The following NTSR1 variants were observed in gnomAD, a reference collection of about 807,000 sequenced individuals.
NTSR1 encodes the protein neurotensin receptor 1, also known as neurotensin receptor type 1.
Under a neutral mutation model 31.2 loss-of-function variants are expected in NTSR1, and 29 were observed. The observed-to-expected ratio is 0.93, with a 90% CI of 0.69 to 1.27. The LOEUF (loss-of-function observed/expected upper bound fraction) is 1.27. Ranked by LOEUF, NTSR1 falls within the 50% of genes most tolerant of loss-of-function variation. The pLI is 0.00. For synonymous variants in NTSR1, 282 were observed against 269.9 expected (o/e 1.04, Z -0.44); for missense variants, 697 against 595.4 (o/e 1.17, Z -1.78).
At chr20:62,754,637 A>G (rs959072456) in intron 1 of NTSR1, 48 bp from the exon 2 acceptor site, 1 of 1,494,620 alleles carries the variant, frequency 6.7e-7, no homozygotes, top group Non-Finnish European at 9.3e-7. Context: ...CTGAGGGTGC[A>G]TGAGTCCCGC....
At chr20:62,728,631 G>A (rs993312563) in intron 1 of NTSR1, among the ~76,000 whole-genome samples, 4 of 152,216 alleles carry the variant, frequency 2.6e-5, no homozygotes, top group East Asian at 3.9e-4. Context: ...GGAAGACGCT[G>A]TGTGCACAGC....
intron 1 of NTSR1, among the ~76,000 whole-genome samples, chr20:62,738,954 G>T (rs1204440532): frequency 6.6e-6 from 1 of 152,224 alleles, no homozygotes; most frequent in East Asian, 1.9e-4. Context: ...CTAGGATCTA[G>T]AAATGGGAAA....
At chr20:62,756,799 G>A (rs1989521366) in intron 2 of NTSR1, 1 of 152,220 alleles carries the variant, frequency 6.6e-6, no homozygotes, top group Non-Finnish European at 1.5e-5. Context: ...GATTTGAGGT[G>A]GCATCTCGTT....
intron 1 of NTSR1, among the ~76,000 whole-genome samples, chr20:62,719,627 T>C (rs1988798529): frequency 1.3e-5 from 2 of 148,404 alleles, no homozygotes; most frequent in Non-Finnish European, 3.0e-5. Context: ...ATTCTACTTT[T>C]TGTCTCTGTG....
In NTSR1 at chr20:62,754,056, A is replaced by T. The variant is rs568889991; in HGVS notation, c.715-629A>T. Among the ~76,000 whole-genome samples the T allele has an allele frequency of 2.0e-5, 3 of 152,300 alleles. No individual in the cohort carries two copies. The East Asian group carries it at 5.8e-4, about 29-fold the overall frequency. On this transcript the variant is annotated intron_variant, in intron 1 of 3. Transcript: ENST00000370501. Reference sequence around the variant, plus strand: ...CCAGGACTCGGATCAGGTGCAGGGTAGCTATGATGACCCAGCCTTGTGGGT... The same window carrying T: ...CCAGGACTCGGATCAGGTGCAGGGTTGCTATGATGACCCAGCCTTGTGGGT...
At chr20:62,747,046 AG>A (rs1476343138) in intron 1 of NTSR1, among the ~76,000 whole-genome samples, 2 of 152,234 alleles carry the variant, frequency 1.3e-5, no homozygotes, top group African/African-American at 4.8e-5. Context: ...ATCCACCATG[AG>A]CAGGTGGGAT....
At chr20:62,759,630 C>T (rs537766444) in intron 3 of NTSR1, among the ~76,000 whole-genome samples, 43 of 152,166 alleles carry the variant, frequency 2.8e-4, no homozygotes, top group African/African-American at 7.9e-4. Flanking sequence ...AAAAATTAGC[C>T]GGGCGTGGTG....
In NTSR1 at chr20:62,760,849, G is replaced by A. The variant is rs1989609658; in HGVS notation, c.*582G>A. 6.5e-6 allele frequency: 1 copy of A among 152,832 alleles called. No homozygotes were observed. Among genetic ancestry groups the A allele is most frequent in the Non-Finnish European group, 1.5e-5 (1 of 68,536 alleles). 9.5% of individuals were successfully genotyped at this position (152,832 alleles called of 1,614,324 possible). A position where few individuals can be genotyped will look rare whatever the true frequency, so the allele number is the denominator to read the frequency against. The stretch of plus-strand genomic sequence containing the variant: ...CGCCCCTTCAGGCCTGGCAAGCTGG[G>A]GGCCCATCGCCGTGGGGAGTCCCTC... On this transcript the variant is annotated 3_prime_UTR_variant, in exon 4 of 4. Coordinates refer to ENST00000370501, the MANE Select transcript of NTSR1 (RefSeq NM_002531.3).
intron 1 of NTSR1, among the ~76,000 whole-genome samples, chr20:62,751,228 AGGTT>A (rs1989389272): frequency 6.6e-6 from 1 of 152,188 alleles, no homozygotes; most frequent in Non-Finnish European, 1.5e-5. Context: ...CTGGGGGAAA[AGGTT>A]AAAAATATAT....
intron 1 of NTSR1, among the ~76,000 whole-genome samples, chr20:62,712,121 G>T (rs2147130824): frequency 6.6e-6 from 1 of 152,342 alleles, no homozygotes; most frequent in Middle Eastern, 3.4e-3. Context: ...TGCTTGAAAA[G>T]AACATTCCTC....
At chr20:62,751,712 GT>G (rs1989396919) in intron 1 of NTSR1, among the ~76,000 whole-genome samples, 2 of 152,276 alleles carry the variant, frequency 1.3e-5, no homozygotes, top group South Asian at 4.1e-4. Flanking sequence ...CTTTTGGGAT[GT>G]GTTGATTGGC....
chr20:62,717,096 C>G (rs895251930), intron 1 of NTSR1, among the ~76,000 whole-genome samples: 1 of 152,250 alleles, frequency 6.6e-6, no homozygotes, highest in Non-Finnish European at 1.5e-5. Context: ...GGCAAGGCGC[C>G]TGCCCCACCC....
At position 62,732,166 on chromosome 20, in the gene NTSR1, G is replaced by A. The variant is rs940860822; in HGVS notation, c.714+22245G>A. Among the ~76,000 whole-genome samples the A allele has an allele frequency of 3.9e-5, 6 of 151,906 alleles. No homozygotes were observed. Among genetic ancestry groups the A allele is most frequent in the Admixed American group, 3.3e-4 (5 of 15,246 alleles). On this transcript the variant is annotated intron_variant, in intron 1 of 3. Transcript: ENST00000370501. The surrounding 1 kb of genome is among the most constrained non-coding windows in gnomAD (Gnocchi z 4.0). Reference sequence around the variant, plus strand: ...CTGTACCGATAACTGGGGCTTTATAGCAAGTGTTGAAATCGGTAGTGTCCA... The same window carrying A: ...CTGTACCGATAACTGGGGCTTTATAACAAGTGTTGAAATCGGTAGTGTCCA...
In NTSR1 at chr20:62,737,069, A is replaced by C. The variant is rs1336244795; in HGVS notation, c.715-17616A>C. Among the ~76,000 whole-genome samples, 3 of 152,268 alleles carry C rather than the reference A, an allele frequency of 2.0e-5. No homozygotes were observed. In the East Asian group the frequency reaches 5.8e-4, roughly 29 times the overall value. The stretch of plus-strand genomic sequence containing the variant: ...GTCAATTCAACCTCTTTCCTTTATA[A>C]ACTACACAGTCTCGGCAGTTCTTTA... On this transcript the variant is annotated intron_variant, in intron 1 of 3. Coordinates refer to ENST00000370501, the MANE Select transcript of NTSR1 (RefSeq NM_002531.3).
In NTSR1 at chr20:62,732,879, C is replaced by T. The variant is rs945365294; in HGVS notation, c.715-21806C>T. On this transcript the variant is annotated intron_variant, in intron 1 of 3. Coordinates refer to ENST00000370501, the MANE Select transcript of NTSR1 (RefSeq NM_002531.3). This position sits in a 1 kb window ranked among gnomAD's most constrained non-coding sequence, Gnocchi z 4.0. ...CCATCTGACCCTCCGCTTGCTTTTC[C>T]TCGGGCTCTCCCTGCCTGGGCCTGG... is the stretch of plus-strand genomic sequence containing the variant. The T allele has an allele frequency of 2.0e-5, 3 of 152,324 alleles. No homozygotes were observed. Among genetic ancestry groups the T allele is most frequent in the African/African-American group, 7.2e-5 (3 of 41,560 alleles). The allele number at this position is 152,324 out of a possible 1,614,324, so 9.4% of individuals were successfully genotyped here.
chr20:62,722,457 T>C (rs1215418245), intron 1 of NTSR1, among the ~76,000 whole-genome samples: 2 of 152,204 alleles, frequency 1.3e-5, no homozygotes, highest in Admixed American at 6.5e-5. Context: ...GATAAGCCTT[T>C]CGTGGCCTTG....
intron 1 of NTSR1, among the ~76,000 whole-genome samples, chr20:62,712,770 G>A (rs1988641282): frequency 6.6e-6 from 1 of 152,214 alleles, no homozygotes; most frequent in African/African-American, 2.4e-5. Flanking sequence ...CGGGCAGATG[G>A]CCCTTGCTTC....
intron 1 of NTSR1, among the ~76,000 whole-genome samples, chr20:62,753,483 C>T (rs938389596): frequency 2.0e-5 from 3 of 152,206 alleles, no homozygotes; most frequent in East Asian, 1.9e-4. Flanking sequence ...GACTTTCTAC[C>T]GCAATCACAG....
chr20:62,728,829 G>A (rs1988955231), intron 1 of NTSR1, among the ~76,000 whole-genome samples: 4 of 152,204 alleles, frequency 2.6e-5, no homozygotes, highest in African/African-American at 9.6e-5. Context: ...TCTGTCACCT[G>A]CACCCAGAAC....
Sources: gnomAD v4.1 joint callset for allele counts (sites outside exome capture counted in the v4.1 genomes callset) on GRCh38, gnomAD v4.1.1 for gene constraint, Gnocchi (gnomAD v3.1) non-coding constraint, MANE v1.5 for transcripts, NCBI Gene and HGNC (gene_info 2026-07-23, HGNC 2026-07-21) for gene names.